HDAC8: variants seen among roughly 807,000 people sequenced by gnomAD.
HDAC8 encodes histone deacetylase 8.
HDAC8 carries 1 observed loss-of-function variant against 32.2 expected under a neutral mutation model. The ratio of observed to expected loss-of-function variants is 0.03; its 90% CI spans 0.01 to 0.15. HDAC8 has a LOEUF of 0.15. Among genes scored for constraint, HDAC8 ranks in the 10% least tolerant of loss-of-function variants. HDAC8 has a pLI of 1.00. For missense variants in HDAC8, 117 were observed against 300.0 expected, an observed-to-expected ratio of 0.39 and a Z score of 4.51; for synonymous variants, 108 against 113.9, an observed-to-expected ratio of 0.95 and a Z score of 0.33.
At chrX:72,444,543 A>G (rs1555983695) in intron 9 of HDAC8, among the ~76,000 whole-genome samples, 1 of 106,404 alleles carries the variant, frequency 9.4e-6, no homozygotes. Context: ...TCTCAAAATA[A>G]TAAGAGCTAT....
At chrX:72,359,874 A>C (rs5958760) in intron 9 of HDAC8, among the ~76,000 whole-genome samples, 3 of 106,712 alleles carry the variant, frequency 2.8e-5, no homozygotes, top group Non-Finnish European at 5.8e-5. Flanking sequence ...GGCCAACATG[A>C]TGAACTCCCA....
intron 9 of HDAC8, among the ~76,000 whole-genome samples, chrX:72,360,075 G>A (rs781954763): frequency 2.5e-4 from 24 of 97,218 alleles, no homozygotes; most frequent in South Asian, 9.4e-4. Flanking sequence ...AAAAAAAAAA[G>A]TCTGGGCGTG....
intron 4 of HDAC8, among the ~76,000 whole-genome samples, chrX:72,556,834 T>C (rs1688195646): frequency 1.8e-5 from 2 of 111,890 alleles, no homozygotes; most frequent in Admixed American, 1.9e-4. Context: ...CTGACAGCAC[T>C]AGACAGGTTA....
At chrX:72,397,523 T>C (rs942409561) in intron 9 of HDAC8, among the ~76,000 whole-genome samples, 3 of 111,676 alleles carry the variant, frequency 2.7e-5, no homozygotes, top group Admixed American at 1.9e-4. Flanking sequence ...TAAGCACCTG[T>C]GAACTTACCA....
At chrX:72,344,048 T>C (rs912693277) in intron 10 of HDAC8, among the ~76,000 whole-genome samples, 1 of 111,735 alleles carries the variant, frequency 8.9e-6, no homozygotes, top group East Asian at 2.8e-4. Flanking sequence ...CAGAGTGGTA[T>C]CAGTGGAGGT....
At chrX:72,464,464 T>C (rs1555993042) in intron 8 of HDAC8, 95 bp downstream of exon 8, 7 of 701,498 alleles carry the variant, frequency 1.0e-5, no homozygotes, top group Non-Finnish European at 1.4e-5. Context: ...GTTGGTATTA[T>C]CCAATGCAAG....
At chrX:72,446,964 AAC>A (rs2047424011) in intron 9 of HDAC8, among the ~76,000 whole-genome samples, 1 of 111,932 alleles carries the variant, frequency 8.9e-6, no homozygotes, top group Non-Finnish European at 1.9e-5. Flanking sequence ...TACCAACAAA[AAC>A]AGTCCAAGAC....
chrX:72,350,344 G>A (rs1401591573), intron 10 of HDAC8, among the ~76,000 whole-genome samples: 1 of 111,905 alleles, frequency 8.9e-6, no homozygotes, highest in Non-Finnish European at 1.9e-5. Flanking sequence ...AATGAGCTCA[G>A]GACATGAAGA....
chrX:72,338,258 G>C (rs1458242005), intron 10 of HDAC8, among the ~76,000 whole-genome samples: 1 of 111,474 alleles, frequency 9.0e-6, no homozygotes, highest in Non-Finnish European at 1.9e-5. Context: ...CACCTAGTAG[G>C]TGCTCAGTAC....
At chrX:72,511,850 G>A (rs1182032637) in intron 4 of HDAC8, among the ~76,000 whole-genome samples, 1 of 111,913 alleles carries the variant, frequency 8.9e-6, no homozygotes, top group Non-Finnish European at 1.9e-5. Flanking sequence ...CAAACATCTA[G>A]GGTGTTGTCA....
intron 7 of HDAC8, among the ~76,000 whole-genome samples, chrX:72,465,680 G>A (rs782147802): frequency 4.7e-4 from 52 of 111,776 alleles, no homozygotes; most frequent in African/African-American, 1.7e-3. Context: ...TCAGAGTTGA[G>A]AAAATCCAGA....
chrX:72,389,990 T>C (rs1441845516), intron 9 of HDAC8, among the ~76,000 whole-genome samples: 1 of 111,965 alleles, frequency 8.9e-6, no homozygotes, highest in Non-Finnish European at 1.9e-5. Flanking sequence ...TACATATTTA[T>C]GGGTACAGTG....
At chrX:72,416,370 C>T (rs1555971725) in intron 9 of HDAC8, among the ~76,000 whole-genome samples, 1 of 79,388 alleles carries the variant, frequency 1.3e-5, no homozygotes, top group African/African-American at 5.0e-5. Context: ...TGGTAAGATC[C>T]CATTTCATTC....
intron 4 of HDAC8, among the ~76,000 whole-genome samples, chrX:72,536,737 A>C (rs1328639727): frequency 4.5e-5 from 5 of 112,020 alleles, no homozygotes; most frequent in Non-Finnish European, 9.4e-5. Flanking sequence ...GTTTGTCTAC[A>C]GTTGTTCCCA....
intron 9 of HDAC8, among the ~76,000 whole-genome samples, chrX:72,354,004 C>G (rs1250468364): frequency 8.9e-6 from 1 of 111,739 alleles, no homozygotes; most frequent in Non-Finnish European, 1.9e-5. Context: ...ATGCACTTAC[C>G]CTCACTCTCC....
chrX:72,518,246 A>G (rs564997858), intron 4 of HDAC8, among the ~76,000 whole-genome samples: 1 of 111,402 alleles, frequency 9.0e-6, no homozygotes, highest in African/African-American at 3.3e-5. Context: ...CCATTCCAAT[A>G]AGATCCCTCA....
intron 10 of HDAC8, among the ~76,000 whole-genome samples, chrX:72,338,849 G>C (rs1432510637): frequency 9.4e-6 from 1 of 106,169 alleles, no homozygotes; most frequent in African/African-American, 3.4e-5. Context: ...AGGAGTTCGA[G>C]ACCAGCCTGG....
chrX:72,384,400 C>T (rs1303344252), intron 9 of HDAC8, among the ~76,000 whole-genome samples: 1 of 111,724 alleles, frequency 9.0e-6, no homozygotes, highest in African/African-American at 3.3e-5. Context: ...CAGACAGAAA[C>T]CCACATGCAT....
intron 7 of HDAC8, among the ~76,000 whole-genome samples, chrX:72,483,869 A>G (rs2048587611): frequency 8.9e-6 from 1 of 112,018 alleles, no homozygotes. Flanking sequence ...TAGATAGACA[A>G]AAAGATTCTA....
Sources: gnomAD v4.1 joint callset for allele counts (sites outside exome capture counted in the v4.1 genomes callset) on GRCh38, gnomAD v4.1.1 for gene constraint, MANE v1.5 for transcripts, NCBI Gene and HGNC (gene_info 2026-07-23, HGNC 2026-07-21) for gene names.